The following WDPCP variants were observed in gnomAD, a reference collection of about 807,000 sequenced individuals.
WDPCP encodes the protein WD repeat-containing and planar cell polarity effector protein fritz homolog.
Under a neutral mutation model 93.1 loss-of-function variants are expected in WDPCP, and 71 were observed. That is an observed-to-expected ratio of 0.76 (90% CI 0.63 to 0.93). The LOEUF is 0.93. WDPCP is among the 40% of genes least tolerant of loss of function. WDPCP has a pLI of 0.00. For synonymous variants in WDPCP, 315 were observed against 315.0 expected, an observed-to-expected ratio of 1.00 and a Z score of 0.00; for missense variants, 844 against 887.4, an observed-to-expected ratio of 0.95 and a Z score of 0.62.
At chr2:63,530,621 G>C (rs960130116) in intron 1 of WDPCP, among the ~76,000 whole-genome samples, 2 of 152,158 alleles carry the variant, frequency 1.3e-5, no homozygotes, top group Non-Finnish European at 2.9e-5. Flanking sequence ...CTGTTACTGT[G>C]AGTAATAAAC....
chr2:63,588,851 G>T, upstream of WDPCP: 1 of 674,014 alleles, frequency 1.5e-6, no homozygotes, highest in Non-Finnish European at 2.5e-6. Flanking sequence ...TTCAACACTT[G>T]AAGGAAATGC....
rs549408054 is a variant in WDPCP at position 63,540,288 on chromosome 2, T to C, written c.76-47348A>G. Among the ~76,000 whole-genome samples the C allele has an allele frequency of 3.3e-5, 5 of 152,366 alleles. No individual in the cohort carries two copies. The East Asian group carries it at 9.6e-4, about 29-fold the overall frequency. On this transcript the variant is annotated intron_variant, in intron 1 of 17. Transcript: ENST00000272321. ...CATATAAAGTCAGAGTATAAACAATTAGTGCAAACACAATTATTCTAATGA... is the reference window on the plus strand; with the variant it reads ...CATATAAAGTCAGAGTATAAACAATCAGTGCAAACACAATTATTCTAATGA...
At chr2:63,313,886 A>ATATATATATATTT in intron 12 of WDPCP, among the ~76,000 whole-genome samples, 7 of 74,470 alleles carry the variant, frequency 9.4e-5, no homozygotes, top group Admixed American at 3.3e-4. Context: ...ATATATATAT[A>ATATATATATATTT]TTTTTTTTTT....
At chr2:63,689,478 G>A (rs894048449) in intron 2 of WDPCP, among the ~76,000 whole-genome samples, 5 of 152,066 alleles carry the variant, frequency 3.3e-5, no homozygotes, top group African/African-American at 7.2e-5. Flanking sequence ...TAATTGTGAC[G>A]GATAGTTCTT....
At chr2:63,750,413 T>C (rs993748293) in intron 2 of WDPCP, among the ~76,000 whole-genome samples, 1 of 151,872 alleles carries the variant, frequency 6.6e-6, no homozygotes, top group Non-Finnish European at 1.5e-5. Flanking sequence ...CTTGGTAAAA[T>C]AAATAGGAAA....
chr2:63,734,503 T>C (rs1047068123), intron 2 of WDPCP, among the ~76,000 whole-genome samples: 27 of 152,178 alleles, frequency 1.8e-4, no homozygotes, highest in Admixed American at 1.8e-3. Context: ...AATAAATTAA[T>C]TAATTAAAAG....
chr2:63,284,953 G>T (rs1173845420), intron 13 of WDPCP, among the ~76,000 whole-genome samples: 2 of 151,876 alleles, frequency 1.3e-5, no homozygotes, highest in African/African-American at 4.8e-5. Context: ...ATGAAGTATA[G>T]CTAATAAACC....
intron 13 of WDPCP, among the ~76,000 whole-genome samples, chr2:63,278,627 A>C (rs891413194): frequency 1.1e-4 from 16 of 152,136 alleles, no homozygotes; most frequent in Admixed American, 2.6e-4. Flanking sequence ...GGAGATTGAG[A>C]CCATCCTGGC....
At position 63,692,113 on chromosome 2, in the gene WDPCP, C is replaced by T. The variant is rs562147090; in HGVS notation, n.309-41275G>A. Among the ~76,000 whole-genome samples, 162 of 152,244 alleles carry T rather than the reference C, an allele frequency of 1.1e-3. No individual in the cohort carries two copies. In the Middle Eastern group the frequency reaches 0.014, roughly 13 times the overall value. ...TGAGCCACAGATTTCTAGCTCTACT[C>T]TTACTGGGAGTGCCTGATTTTGTTA... On this transcript the variant is annotated intron_variant and non_coding_transcript_variant, in intron 2 of 4. Transcript: ENST00000467687.
chr2:63,259,246 T>C, intron 14 of WDPCP, 61 bp downstream of exon 14: 2 of 1,382,456 alleles, frequency 1.4e-6, no homozygotes, highest in East Asian at 2.3e-5. Flanking sequence ...CAAACATAAA[T>C]AGAAATGATA....
At chr2:63,785,486 A>T (rs1458555456) in intron 2 of WDPCP, among the ~76,000 whole-genome samples, 2 of 152,062 alleles carry the variant, frequency 1.3e-5, no homozygotes, top group Admixed American at 6.6e-5. Context: ...TATTATATAC[A>T]TTTACTTTTC....
intron 14 of WDPCP, among the ~76,000 whole-genome samples, chr2:63,213,546 A>C (rs1032645441): frequency 1.3e-5 from 2 of 152,200 alleles, no homozygotes; most frequent in African/African-American, 4.8e-5. Flanking sequence ...TGACACCCTA[A>C]CATCACAATT....
At chr2:63,609,186 G>A (rs1263290470) in intron 3 of WDPCP, among the ~76,000 whole-genome samples, 1 of 152,090 alleles carries the variant, frequency 6.6e-6, no homozygotes, top group African/African-American at 2.4e-5. Context: ...GGCCAACATG[G>A]TGAAACCCTG....
At chr2:63,838,551 C>T in the WDPCP span, among the ~76,000 whole-genome samples, 1 of 151,736 alleles carries the variant, frequency 6.6e-6, no homozygotes, top group African/African-American at 2.4e-5. Context: ...CTTATCAGCC[C>T]CCATCTTCAT....
At chr2:63,814,561 T>C (rs1670904814) in intron 1 of WDPCP, among the ~76,000 whole-genome samples, 1 of 152,230 alleles carries the variant, frequency 6.6e-6, no homozygotes, top group African/African-American at 2.4e-5. Flanking sequence ...TCCTCTAGTT[T>C]AAGATCTGTT....
intron 14 of WDPCP, among the ~76,000 whole-genome samples, chr2:63,256,737 T>C (rs142674908): frequency 6.6e-6 from 1 of 152,318 alleles, no homozygotes; most frequent in East Asian, 1.9e-4. Context: ...CATTGGAATA[T>C]TGTTATACAG....
rs371374085 is a variant in WDPCP at position 63,588,324 on chromosome 2, G to A, written c.-53C>T. ...TCCTAGGCTAGGTCCTCGGACCCGA[G>A]AGGGAGCGACACGCTCGCTTGGTCT... On this transcript the variant is annotated 5_prime_UTR_variant, in exon 1 of 18. Coordinates refer to ENST00000272321, the MANE Select transcript of WDPCP (RefSeq NM_015910.7). 181 of 1,548,062 alleles carry A rather than the reference G, an allele frequency of 1.2e-4. No individual in the cohort carries two copies. The African/African-American group carries it at 2.2e-3, about 18-fold the overall frequency.
At chr2:63,417,199 C>T (rs1445480973) in intron 9 of WDPCP, among the ~76,000 whole-genome samples, 1 of 152,132 alleles carries the variant, frequency 6.6e-6, no homozygotes. Flanking sequence ...GAATGAAAAA[C>T]ACAGACACTA....
chr2:63,560,657 A>G (rs1411606504), intron 1 of WDPCP, among the ~76,000 whole-genome samples: 3 of 152,208 alleles, frequency 2.0e-5, no homozygotes, highest in Admixed American at 2.0e-4. Flanking sequence ...CAGCCATACA[A>G]AAGGGTGAGT....
Sources: gnomAD v4.1 joint callset for allele counts (sites outside exome capture counted in the v4.1 genomes callset) on GRCh38, gnomAD v4.1.1 for gene constraint, MANE v1.5 for transcripts, NCBI Gene and HGNC (gene_info 2026-07-23, HGNC 2026-07-21) for gene names.